ATXN8OS: variants seen among roughly 807,000 people sequenced by gnomAD.
ATXN8OS encodes the protein ATXN8 opposite strand (non-protein coding).
intron 4 of ATXN8OS, among the ~76,000 whole-genome samples, chr13:70,154,710 G>A (rs1888915280): frequency 6.6e-6 from 1 of 152,148 alleles, no homozygotes; most frequent in Non-Finnish European, 1.5e-5. Flanking sequence ...AAAGAGAGAA[G>A]AAAAACAAAT....
chr13:70,136,291 G>A (rs532969618), intron 3 of ATXN8OS, among the ~76,000 whole-genome samples: 8 of 152,046 alleles, frequency 5.3e-5, no homozygotes, highest in African/African-American at 1.9e-4. Flanking sequence ...CAAAGTACAG[G>A]GATAGCCTCA....
At chr13:70,121,670 T>C (rs990174060) in intron 2 of ATXN8OS, among the ~76,000 whole-genome samples, 1 of 152,144 alleles carries the variant, frequency 6.6e-6, no homozygotes, top group African/African-American at 2.4e-5. Flanking sequence ...GAATTGATAT[T>C]TCATAAATAG....
chr13:70,114,963 G>A (rs912597606), intron 1 of ATXN8OS, among the ~76,000 whole-genome samples: 2 of 152,014 alleles, frequency 1.3e-5, no homozygotes, highest in Middle Eastern at 3.2e-3. Context: ...TTCCTCAGCT[G>A]TGTGAGCTCT....
chr13:70,144,112 A>T (rs1157938313), intron 3 of ATXN8OS, among the ~76,000 whole-genome samples: 1 of 152,114 alleles, frequency 6.6e-6, no homozygotes, highest in Non-Finnish European at 1.5e-5. Flanking sequence ...AATCTTGATA[A>T]ATATTAAATT....
chr13:70,127,985 A>G (rs1888467894), intron 2 of ATXN8OS, among the ~76,000 whole-genome samples: 1 of 152,036 alleles, frequency 6.6e-6, no homozygotes, highest in Non-Finnish European at 1.5e-5. Context: ...ATGTTGTTAT[A>G]TAATGAACAA....
chr13:70,167,705 T>C (rs1255567777), intron 4 of ATXN8OS, among the ~76,000 whole-genome samples: 5 of 142,178 alleles, frequency 3.5e-5, no homozygotes, highest in Non-Finnish European at 6.1e-5. Flanking sequence ...GAAAATACTA[T>C]CACAACATAT....
chr13:70,160,315 G>A (rs556895639), intron 4 of ATXN8OS, among the ~76,000 whole-genome samples: 144 of 151,434 alleles, frequency 9.5e-4, no homozygotes, highest in African/African-American at 3.4e-3. Flanking sequence ...ATAAATTTTG[G>A]TTTATCATTA....
chr13:70,167,241 C>T (rs1302727951), intron 4 of ATXN8OS, among the ~76,000 whole-genome samples: 1 of 152,048 alleles, frequency 6.6e-6, no homozygotes, highest in Non-Finnish European at 1.5e-5. Flanking sequence ...TCACTATTCA[C>T]AATAGCAAAG....
At chr13:70,151,428 C>A (rs765914989) in intron 4 of ATXN8OS, among the ~76,000 whole-genome samples, 1 of 152,006 alleles carries the variant, frequency 6.6e-6, no homozygotes, top group Non-Finnish European at 1.5e-5. Flanking sequence ...AACATAATAT[C>A]CCCCAGGTTC....
intron 3 of ATXN8OS, among the ~76,000 whole-genome samples, chr13:70,137,708 G>T (rs983055164): frequency 1.1e-4 from 16 of 152,114 alleles, no homozygotes; most frequent in African/African-American, 3.9e-4. Context: ...AGGACCCTGA[G>T]AATTATCTCA....
chr13:70,141,865 T>C (rs928713256), intron 3 of ATXN8OS, among the ~76,000 whole-genome samples: 3 of 152,024 alleles, frequency 2.0e-5, no homozygotes, highest in African/African-American at 7.3e-5. Context: ...TACATATATA[T>C]GTATATGTAT....
At chr13:70,158,081 C>T (rs1005947983) in intron 4 of ATXN8OS, among the ~76,000 whole-genome samples, 6 of 152,180 alleles carry the variant, frequency 3.9e-5, no homozygotes, top group Admixed American at 1.3e-4. Flanking sequence ...TGTGTAAAGC[C>T]GCTAGGAAAA....
intron 4 of ATXN8OS, among the ~76,000 whole-genome samples, chr13:70,165,196 T>C (rs982091344): frequency 1.3e-5 from 2 of 151,738 alleles, no homozygotes; most frequent in Non-Finnish European, 2.9e-5. Flanking sequence ...CGAAAGCATA[T>C]TGTTAATTTA....
At chr13:70,152,569 C>CT (rs1040269369) in intron 4 of ATXN8OS, among the ~76,000 whole-genome samples, 14 of 151,942 alleles carry the variant, frequency 9.2e-5, no homozygotes, top group African/African-American at 3.4e-4. Flanking sequence ...TGATTTAGGG[C>CT]TTTTTTTCAC....
chr13:70,137,118 CT>C (rs1165519206), intron 3 of ATXN8OS, among the ~76,000 whole-genome samples: 1 of 152,182 alleles, frequency 6.6e-6, no homozygotes, highest in Non-Finnish European at 1.5e-5. Context: ...ATATCCAGAA[CT>C]TTTCTTACAT....
intron 4 of ATXN8OS, among the ~76,000 whole-genome samples, chr13:70,156,078 G>A (rs886748791): frequency 2.0e-5 from 3 of 151,922 alleles, no homozygotes; most frequent in African/African-American, 7.3e-5. Context: ...CTAACTTTAT[G>A]AACAGAAAGA....
chr13:70,123,041 TTCAACATATAGAAGTTAC>T (rs531327500), intron 2 of ATXN8OS, among the ~76,000 whole-genome samples: 9 of 152,152 alleles, frequency 5.9e-5, no homozygotes, highest in Non-Finnish European at 1.2e-4. Context: ...TATCATAAGG[TTCAACATATAGAAGTTAC>T]TGAGCAAATA....
intron 3 of ATXN8OS, among the ~76,000 whole-genome samples, chr13:70,145,827 A>G (rs1888777027): frequency 6.6e-6 from 1 of 151,802 alleles, no homozygotes; most frequent in South Asian, 2.1e-4. Flanking sequence ...AAACGTTGGC[A>G]ATACCATTCA....
chr13:70,113,312 T>C (rs1224249756), intron 1 of ATXN8OS, among the ~76,000 whole-genome samples: 1 of 140,408 alleles, frequency 7.1e-6, no homozygotes, highest in Non-Finnish European at 1.6e-5. Context: ...TATAGATAAA[T>C]GTAATATACA....
Sources: gnomAD v4.1 joint callset for allele counts (sites outside exome capture counted in the v4.1 genomes callset) on GRCh38, gnomAD v4.1.1 for gene constraint, MANE v1.5 for transcripts, NCBI Gene and HGNC (gene_info 2026-07-23, HGNC 2026-07-21) for gene names.